The following LRPPRC variants were observed in gnomAD, a reference collection of about 807,000 sequenced individuals.
LRPPRC encodes leucine rich pentatricopeptide repeat containing.
In LRPPRC, 120 loss-of-function variants were observed where a neutral mutation model predicts 180.3. The observed-to-expected ratio is 0.67, with a 90% CI of 0.57 to 0.77. LRPPRC has a LOEUF of 0.77. Among genes scored for constraint, LRPPRC ranks in the 30% least tolerant of loss-of-function variants. LRPPRC has a pLI of 0.00. For missense variants in LRPPRC, 2,012 were observed against 1,657.2 expected (o/e 1.21, Z -3.72); for synonymous variants, 723 against 600.0 (o/e 1.21, Z -3.00).
intron 29 of LRPPRC, among the ~76,000 whole-genome samples, chr2:43,916,617 A>G (rs6759659): frequency 0.54 from 81,504 of 152,082 alleles, 23,943 homozygotes; most frequent in East Asian, 0.95. Context: ...TATGCCAACA[A>G]TAGCATTTAT....
At chr2:43,939,854 A>G (rs1337696621) in intron 23 of LRPPRC, among the ~76,000 whole-genome samples, 1 of 152,230 alleles carries the variant, frequency 6.6e-6, no homozygotes, top group Non-Finnish European at 1.5e-5. Context: ...AGTGCTTTCC[A>G]GCCAATTGAG....
chr2:43,973,669 G>C lies in LRPPRC; in HGVS notation c.1307C>G (p.Pro436Arg). 1 of 1,614,020 alleles carries C rather than the reference G, an allele frequency of 6.2e-7. No homozygotes were observed. The highest frequency in any genetic ancestry group is 8.5e-7 in the Non-Finnish European group (1 of 1,179,904). Residue 436 changes from proline to arginine, a missense_variant, in exon 11 of 38, where the codon CCT becomes CGT. Physicochemically the swap from Pro to Arg is moderately radical, Grantham distance 103. Transcript: ENST00000260665. ...LMKAVKEEGF[P>R]IRPHYFWPLL... ...TGGCCAGAAATAGTGAGGTCTGATA[G>C]GAAAACCTTCCTCCTTCACAGCCTT...
At chr2:43,888,735 C>G (rs1670365946) in intron 37 of LRPPRC, 79 bp from the exon 38 acceptor site, 2 of 797,980 alleles carry the variant, frequency 2.5e-6, no homozygotes, top group Middle Eastern at 2.2e-4. Context: ...TCATAAAACA[C>G]TACCAACTGG....
intron 11 of LRPPRC, among the ~76,000 whole-genome samples, chr2:43,972,074 G>A (rs1350260974): frequency 6.6e-6 from 1 of 152,028 alleles, no homozygotes. Flanking sequence ...ACACAGTATA[G>A]TACTTACAAA....
intron 11 of LRPPRC, among the ~76,000 whole-genome samples, chr2:43,967,116 T>C (rs1673593795): frequency 1.3e-5 from 2 of 151,476 alleles, no homozygotes; most frequent in Non-Finnish European, 2.9e-5. Context: ...TATCAAAATG[T>C]AGCCAGGTGA....
intron 11 of LRPPRC, among the ~76,000 whole-genome samples, chr2:43,969,693 T>C (rs902729948): frequency 1.3e-5 from 2 of 152,126 alleles, no homozygotes; most frequent in Non-Finnish European, 2.9e-5. Flanking sequence ...GTGTTTTGTT[T>C]TTGATTTTTT....
intron 30 of LRPPRC, among the ~76,000 whole-genome samples, chr2:43,906,254 G>A (rs1572901452): frequency 6.6e-6 from 1 of 151,976 alleles, no homozygotes; most frequent in Non-Finnish European, 1.5e-5. Context: ...CTATCATTTG[G>A]TCAATTAATT....
At chr2:43,897,900 ATAAT>A (rs1189309537) in intron 34 of LRPPRC, among the ~76,000 whole-genome samples, 3 of 152,206 alleles carry the variant, frequency 2.0e-5, no homozygotes, top group Admixed American at 1.3e-4. Context: ...CATCATGTGT[ATAAT>A]TAGATATGTA....
At chr2:43,912,615 G>C (rs1313452793) in intron 29 of LRPPRC, 57 bp from the exon 30 acceptor site, 1 of 1,510,162 alleles carries the variant, frequency 6.6e-7, no homozygotes, top group African/African-American at 1.4e-5. Context: ...ATGCCAAAAG[G>C]ATGGAAAAAA....
chr2:43,939,026 A>G (rs1672375756), intron 23 of LRPPRC, among the ~76,000 whole-genome samples: 1 of 151,686 alleles, frequency 6.6e-6, no homozygotes, highest in Non-Finnish European at 1.5e-5. Context: ...TAATCCCAGC[A>G]CTTTGGGAGG....
rs1431552815 is a variant in LRPPRC, at chr2:43,982,410, C to T, written c.174G>A (p.Leu58=). The T allele has an allele frequency of 1.2e-6, 2 of 1,613,734 alleles. No individual in the cohort carries two copies. Among genetic ancestry groups the T allele is most frequent in the Admixed American group, 1.7e-5 (1 of 60,018 alleles). Residue 58 remains leucine, a synonymous_variant, in exon 2 of 38, where the codon CTG becomes CTA. Transcript: ENST00000260665. ...CTTTTTCTTTGGCAGCAATGGCATA[C>T]AGCCTGGCTGGGCTCAGTAGTCCTC... ...VAGGLLSPAR[L]YAIAAKEKDI... is the part of the protein sequence containing the mutation.
chr2:43,893,091 G>A (rs80251818), intron 36 of LRPPRC, among the ~76,000 whole-genome samples: 1,606 of 152,288 alleles, frequency 0.011, 28 homozygotes, highest in African/African-American at 0.037. Context: ...GAGAAGTGGA[G>A]CGTGAAGACG....
intron 14 of LRPPRC, among the ~76,000 whole-genome samples, chr2:43,955,377 G>A (rs1351448871): frequency 6.6e-6 from 1 of 151,386 alleles, no homozygotes; most frequent in Non-Finnish European, 1.5e-5. Context: ...CCTGAAGCAG[G>A]AGGATTACTT....
intron 2 of LRPPRC, among the ~76,000 whole-genome samples, chr2:43,981,582 G>A (rs574898557): frequency 9.2e-5 from 14 of 151,886 alleles, no homozygotes; most frequent in East Asian, 7.8e-4. Flanking sequence ...GCTTGAACCC[G>A]GGAGGCAGAG....
At chr2:43,916,028 T>G (rs979748463) in intron 29 of LRPPRC, among the ~76,000 whole-genome samples, 1 of 152,084 alleles carries the variant, frequency 6.6e-6, no homozygotes, top group African/African-American at 2.4e-5. Context: ...GCCTCCCAAG[T>G]TGTTGGGATT....
chr2:43,946,323 GT>G, intron 20 of LRPPRC, 80 bp from the exon 21 acceptor site: 1 of 1,122,006 alleles, frequency 8.9e-7, no homozygotes, highest in Non-Finnish European at 1.3e-6. Context: ...ACTGTTCAGA[GT>G]TTAGAAAAAG....
At chr2:43,943,127 A>G (rs1259023261) in intron 23 of LRPPRC, among the ~76,000 whole-genome samples, 1 of 152,114 alleles carries the variant, frequency 6.6e-6, no homozygotes, top group Non-Finnish European at 1.5e-5. Context: ...AAATAGACTG[A>G]CTTTATGATT....
chr2:43,987,099 T>C (rs1265487339), intron 1 of LRPPRC, among the ~76,000 whole-genome samples: 1 of 152,212 alleles, frequency 6.6e-6, no homozygotes, highest in Non-Finnish European at 1.5e-5. Context: ...ACAGTTGGAA[T>C]AAATCCCACT....
chr2:43,925,608 T>C (rs1671848554), intron 26 of LRPPRC, among the ~76,000 whole-genome samples: 1 of 152,162 alleles, frequency 6.6e-6, no homozygotes. Context: ...AACTCCTTCT[T>C]CCACTAAGGA....
Sources: allele counts gnomAD v4.1 joint callset (sites outside exome capture counted in the v4.1 genomes callset), GRCh38; gene constraint gnomAD v4.1.1; transcripts MANE v1.5; gene names NCBI Gene and HGNC (gene_info 2026-07-23, HGNC 2026-07-21).